The following SEPTIN14 variants were observed in gnomAD, a reference collection of about 807,000 sequenced individuals.
SEPTIN14 encodes the protein septin-14.
A neutral mutation model predicts 53.6 loss-of-function variants in SEPTIN14; 40 were observed. The observed-to-expected ratio is 0.75, with a 90% CI of 0.58 to 0.97. The LOEUF is 0.97. Ranked by LOEUF, SEPTIN14 falls within the 50% of genes least tolerant of loss-of-function variation. The probability of loss-of-function intolerance (pLI) is 0.00; values close to 1 mark genes in which losing one functional copy is unlikely to be tolerated. For missense variants in SEPTIN14, 471 were observed against 508.2 expected, an observed-to-expected ratio of 0.93 and a Z score of 0.70; for synonymous variants, 138 against 166.8, an observed-to-expected ratio of 0.83 and a Z score of 1.33.
intron 8 of SEPTIN14, 91 bp downstream of exon 8, chr7:55,806,999 A>C: frequency 9.1e-6 from 8 of 881,234 alleles, no homozygotes; most frequent in African/African-American, 1.7e-5. Context: ...TGGGAGAAGT[A>C]TAATTATTCT....
intron 9 of SEPTIN14, among the ~76,000 whole-genome samples, chr7:55,802,334 G>A (rs1255968883): frequency 6.6e-6 from 1 of 152,002 alleles, no homozygotes; most frequent in Non-Finnish European, 1.5e-5. Flanking sequence ...TGCATTCGAA[G>A]AAGACATTAT....
intron 6 of SEPTIN14, among the ~76,000 whole-genome samples, chr7:55,825,791 A>AC (rs1463198484): frequency 6.6e-6 from 1 of 151,446 alleles, no homozygotes; most frequent in Non-Finnish European, 1.5e-5. Flanking sequence ...CCGTAGTGAG[A>AC]CCCCCACCTC....
At chr7:55,811,021 T>C (rs1270000573) in intron 7 of SEPTIN14, 1 of 451,006 alleles carries the variant, frequency 2.2e-6, no homozygotes, top group East Asian at 5.3e-5. Context: ...TGAAGATTCT[T>C]ATGTTTATTT....
At chr7:55,829,399 G>T (rs953859322) in intron 6 of SEPTIN14, among the ~76,000 whole-genome samples, 1 of 147,714 alleles carries the variant, frequency 6.8e-6, no homozygotes, top group Non-Finnish European at 1.5e-5. Flanking sequence ...AAGAAAGAAA[G>T]AAAAGAAAGA....
At chr7:55,830,928 CA>C in intron 6 of SEPTIN14, among the ~76,000 whole-genome samples, 1 of 151,924 alleles carries the variant, frequency 6.6e-6, no homozygotes, top group East Asian at 1.9e-4. Context: ...GAAACTATTC[CA>C]AAAATTTATG....
At position 55,819,112 on chromosome 7, in the gene SEPTIN14, C is replaced by G. The variant is rs568857740; in HGVS notation, c.817+15G>C. 1.4e-6 allele frequency: 2 copies of G among 1,460,294 alleles called. No homozygotes were observed. The highest frequency in any genetic ancestry group is 9.4e-7 in the Non-Finnish European group (1 of 1,058,410). 90.5% of individuals were successfully genotyped at this position (1,460,294 alleles called of 1,614,324 possible). On this transcript the variant is annotated intron_variant, in intron 7 of 9. Coordinates refer to ENST00000388975, the MANE Select transcript of SEPTIN14 (RefSeq NM_207366.3). The stretch of plus-strand genomic sequence containing the variant: ...TAACTTAATCATTCCAAAGCCTGCC[C>G]TCTGTCATTTTTACCTTGCAAAACT...
intron 6 of SEPTIN14, among the ~76,000 whole-genome samples, chr7:55,827,467 G>A (rs1789010042): frequency 6.6e-6 from 1 of 152,186 alleles, no homozygotes; most frequent in East Asian, 1.9e-4. Context: ...TGGGACAGGG[G>A]TAGGATAGGG....
intron 9 of SEPTIN14, chr7:55,798,322 C>G (rs1199605032): frequency 6.1e-6 from 2 of 328,596 alleles, no homozygotes; most frequent in African/African-American, 4.4e-5. Flanking sequence ...GCCACCTGCC[C>G]TGAAAGCCCA....
At chr7:55,827,266 A>C (rs930755502) in intron 6 of SEPTIN14, among the ~76,000 whole-genome samples, 41 of 152,180 alleles carry the variant, frequency 2.7e-4, no homozygotes, top group African/African-American at 9.7e-4. Context: ...CCCTTTGTAC[A>C]CAAAGGAGCA....
At chr7:55,806,139 G>A (rs748511426) in intron 8 of SEPTIN14, among the ~76,000 whole-genome samples, 2 of 151,766 alleles carry the variant, frequency 1.3e-5, no homozygotes, top group East Asian at 1.9e-4. Context: ...CTGGGATTAC[G>A]GGCACCCGCC....
chr7:55,833,994 GAATA>G (rs1395513074), intron 6 of SEPTIN14, among the ~76,000 whole-genome samples: 1 of 151,956 alleles, frequency 6.6e-6, no homozygotes, highest in Non-Finnish European at 1.5e-5. Flanking sequence ...ATGGAATGAA[GAATA>G]AATAGAGAGC....
At chr7:55,827,791 T>C (rs1172817493) in intron 6 of SEPTIN14, among the ~76,000 whole-genome samples, 1 of 152,218 alleles carries the variant, frequency 6.6e-6, no homozygotes, top group Non-Finnish European at 1.5e-5. Flanking sequence ...AGCTGGCTCT[T>C]ACTCATAAGT....
chr7:55,809,038 A>T (rs113656660), intron 7 of SEPTIN14, among the ~76,000 whole-genome samples: 33,445 of 152,092 alleles, frequency 0.22, 4,288 homozygotes, highest in Middle Eastern at 0.31. Flanking sequence ...GGTAGACTGG[A>T]TAGAGAAAAT....
At chr7:55,829,266 C>A (rs545477616) in intron 6 of SEPTIN14, among the ~76,000 whole-genome samples, 2 of 151,690 alleles carry the variant, frequency 1.3e-5, no homozygotes, top group Non-Finnish European at 2.9e-5. Context: ...GTAATCTCAG[C>A]TACTCAGGAG....
At chr7:55,825,625 C>T (rs1788969086) in intron 6 of SEPTIN14, among the ~76,000 whole-genome samples, 1 of 152,118 alleles carries the variant, frequency 6.6e-6, no homozygotes, top group Non-Finnish European at 1.5e-5. Flanking sequence ...CTCAATTTTT[C>T]TACAACCATA....
At chr7:55,829,820 C>CAAAA (rs35998043) in intron 6 of SEPTIN14, among the ~76,000 whole-genome samples, 598 of 37,550 alleles carry the variant, frequency 0.016, 98 homozygotes, top group South Asian at 0.085. Flanking sequence ...GACTCCATCT[C>CAAAA]AAAAAAAAAA....
intron 3 of SEPTIN14, among the ~76,000 whole-genome samples, chr7:55,845,910 GTA>G (rs1320532289): frequency 1.3e-5 from 2 of 149,808 alleles, no homozygotes; most frequent in African/African-American, 2.4e-5. Flanking sequence ...TTAGCCGGGT[GTA>G]TTGGCGGGCG....
intron 6 of SEPTIN14, among the ~76,000 whole-genome samples, chr7:55,820,715 G>A (rs574603633): frequency 6.6e-6 from 1 of 152,158 alleles, no homozygotes; most frequent in Admixed American, 6.6e-5. Context: ...CGAGGTGGGC[G>A]GATCACCTGA....
At chr7:55,814,288 C>T (rs1788756402) in intron 7 of SEPTIN14, among the ~76,000 whole-genome samples, 1 of 152,098 alleles carries the variant, frequency 6.6e-6, no homozygotes, top group South Asian at 2.1e-4. Flanking sequence ...CTTCAATGCC[C>T]AGACATAGAT....
Sources: allele counts gnomAD v4.1 joint callset (sites outside exome capture counted in the v4.1 genomes callset), GRCh38; gene constraint gnomAD v4.1.1; transcripts MANE v1.5; gene names NCBI Gene and HGNC (gene_info 2026-07-23, HGNC 2026-07-21).